MOB4: variants seen among roughly 807,000 people sequenced by gnomAD.
MOB4 encodes MOB-like protein phocein.
A neutral mutation model predicts 32.2 loss-of-function variants in MOB4; 4 were observed. The observed-to-expected ratio is 0.12, with a 90% CI of 0.06 to 0.28. MOB4 has a LOEUF of 0.28. MOB4 is among the 10% of genes least tolerant of loss of function. The probability of loss-of-function intolerance (pLI) is 1.00; values close to 1 mark genes in which losing one functional copy is unlikely to be tolerated. For missense variants in MOB4, 158 were observed against 271.2 expected, an observed-to-expected ratio of 0.58 and a Z score of 2.93; for synonymous variants, 88 against 88.1, an observed-to-expected ratio of 1.00 and a Z score of 0.01.
chr2:197,535,164 A>G (rs2086775973), intron 2 of MOB4, among the ~76,000 whole-genome samples: 3 of 151,134 alleles, frequency 2.0e-5, no homozygotes, highest in Admixed American at 6.6e-5. Context: ...TGGATATTGC[A>G]GTGATCTGAG....
At chr2:197,543,310 A>G (rs1013107110) in intron 5 of MOB4, among the ~76,000 whole-genome samples, 3 of 152,128 alleles carry the variant, frequency 2.0e-5, no homozygotes, top group African/African-American at 7.2e-5. Flanking sequence ...AGATTCAGAA[A>G]TGGCCAGTAA....
rs1174081910 is a variant in MOB4, at chr2:197,548,480, G to A, written c.434+65G>A. 6 of 467,076 alleles carry A rather than the reference G, an allele frequency of 1.3e-5. No homozygotes were observed. In the African/African-American group the frequency reaches 1.3e-4, roughly 10 times the overall value. The allele number at this position is 467,076 out of a possible 1,614,324, so 28.9% of individuals were successfully genotyped here. A position where few individuals can be genotyped will look rare whatever the true frequency, so the allele number is the denominator to read the frequency against. ...GTTAATTTATAAGATTGGTATTTTA[G>A]GGGGGAGGGGGGAGGGATAGTATTA... On this transcript the variant is annotated intron_variant, in intron 6 of 7. Transcript: ENST00000323303.
At chr2:197,518,571 T>TG (rs1439301018) in intron 1 of MOB4, among the ~76,000 whole-genome samples, 19 of 150,840 alleles carry the variant, frequency 1.3e-4, no homozygotes, top group African/African-American at 4.4e-4. Flanking sequence ...GGTTTTTTTT[T>TG]TTTGTGTGTG....
At chr2:197,518,987 T>G (rs544978313) in intron 1 of MOB4, among the ~76,000 whole-genome samples, 1 of 152,208 alleles carries the variant, frequency 6.6e-6, no homozygotes, top group South Asian at 2.1e-4. Context: ...CTGGATCTCC[T>G]GATCTCGTGA....
intron 5 of MOB4, among the ~76,000 whole-genome samples, chr2:197,541,671 G>A (rs2086897093): frequency 1.3e-5 from 2 of 152,196 alleles, no homozygotes; most frequent in Non-Finnish European, 2.9e-5. Context: ...TGTAATCCCA[G>A]CACTTTGGGA....
chr2:197,519,336 C>CTA, intron 1 of MOB4, among the ~76,000 whole-genome samples: 1 of 152,156 alleles, frequency 6.6e-6, no homozygotes, highest in Admixed American at 6.5e-5. Flanking sequence ...AACATCTTTT[C>CTA]TATATATAGT....
At chr2:197,523,464 A>G (rs2086557450) in intron 1 of MOB4, among the ~76,000 whole-genome samples, 160 bp from the exon 2 acceptor site, 2 of 152,226 alleles carry the variant, frequency 1.3e-5, no homozygotes. Flanking sequence ...CTGTCTGTAA[A>G]AAAGAAAAGT....
chr2:197,523,520 AG>A (rs2086558188), intron 1 of MOB4, 103 bp from the exon 2 acceptor site: 1 of 1,163,324 alleles, frequency 8.6e-7, no homozygotes, highest in South Asian at 1.5e-5. Flanking sequence ...ACATTGCAAA[AG>A]TTTTTTCTTC....
chr2:197,546,727 T>G (rs1018052663), intron 5 of MOB4, among the ~76,000 whole-genome samples: 76 of 152,160 alleles, frequency 5.0e-4, no homozygotes, highest in African/African-American at 1.7e-3. Flanking sequence ...AATATATGGC[T>G]TGCATTATAC....
intron 3 of MOB4, among the ~76,000 whole-genome samples, chr2:197,536,165 T>C (rs958385997): frequency 2.0e-5 from 3 of 152,162 alleles, no homozygotes; most frequent in African/African-American, 7.2e-5. Flanking sequence ...TCCCAAAGTA[T>C]TGAGCCACCC....
rs914783993 is a variant in MOB4, at chr2:197,552,943, T to G, written c.*2297T>G. On this transcript the variant is annotated 3_prime_UTR_variant, in exon 8 of 8. Transcript: ENST00000323303. ...TTAGGCTTTTCTTTCCAAAAGATCG[T>G]ATAGTCAATTCATTCTTTTTCTCCT... 2.0e-5 allele frequency: 3 copies of G among 152,212 alleles called. No individual in the cohort carries two copies. Among genetic ancestry groups the G allele is most frequent in the Non-Finnish European group, 4.4e-5 (3 of 68,040 alleles). The allele number at this position is 152,212 out of a possible 1,614,324, so 9.4% of individuals were successfully genotyped here.
chr2:197,546,611 G>T (rs1003731639), intron 5 of MOB4, among the ~76,000 whole-genome samples: 1 of 151,660 alleles, frequency 6.6e-6, no homozygotes, highest in Admixed American at 6.6e-5. Context: ...TGTTGCCTAG[G>T]CTGGTCTTGA....
chr2:197,523,186 T>G lies in MOB4; in HGVS notation c.61-438T>G, dbSNP rs149035305. Among the ~76,000 whole-genome samples, 135 of 152,200 alleles carry G rather than the reference T, an allele frequency of 8.9e-4. 1 individual carries two copies. In the Middle Eastern group the frequency reaches 0.01, roughly 12 times the overall value. Reference sequence around the variant, plus strand: ...AAAAGTGATAGACTTGTCTCCCCAATTAAGTAATACATTAAAGGTTTATGG... The same window carrying G: ...AAAAGTGATAGACTTGTCTCCCCAAGTAAGTAATACATTAAAGGTTTATGG... On this transcript the variant is annotated intron_variant, in intron 1 of 7. Coordinates refer to ENST00000323303, the MANE Select transcript of MOB4 (RefSeq NM_015387.5).
chr2:197,543,030 G>T (rs926004998), intron 5 of MOB4, among the ~76,000 whole-genome samples: 1 of 152,120 alleles, frequency 6.6e-6, no homozygotes, highest in Non-Finnish European at 1.5e-5. Context: ...AGACAGTAAC[G>T]CCTGTAATCC....
At chr2:197,535,235 A>G (rs2086777771) in intron 2 of MOB4, among the ~76,000 whole-genome samples, 1 of 140,562 alleles carries the variant, frequency 7.1e-6, no homozygotes, top group Admixed American at 7.4e-5. Context: ...AAAAAAAAAA[A>G]AAAAAAAGAA....
Position 197,550,397 on chromosome 2 carries a change from T to G in MOB4, c.546+11T>G. On this transcript the variant is annotated intron_variant, in intron 7 of 7. Transcript: ENST00000323303. Reference sequence around the variant, plus strand: ...TTTGATGAATATGAAGTAAGTATATTTCACTGATTATCTTGATGCATTCTT... The same window carrying G: ...TTTGATGAATATGAAGTAAGTATATGTCACTGATTATCTTGATGCATTCTT... 1 of 1,611,814 alleles carries G rather than the reference T, an allele frequency of 6.2e-7. No individual in the cohort carries two copies. Among genetic ancestry groups the G allele is most frequent in the Non-Finnish European group, 8.5e-7 (1 of 1,178,858 alleles).
chr2:197,516,113 G>C lies in MOB4; in HGVS notation c.27G>C (p.Val9=), dbSNP rs779739036. ...TGGTCATGGCGGAGGGGACGGCAGT[G>C]CTGAGGCGGAACAGGCCGGGCACCA... MVMAEGTA[V]LRRNRPGTKA... The change falls in exon 1 of 8, where the codon GTG becomes GTC. Residue 9 remains valine, a synonymous_variant. Transcript: ENST00000323303. The C allele has an allele frequency of 6.2e-7, 1 of 1,604,000 alleles. No homozygotes were observed. Among genetic ancestry groups the C allele is most frequent in the Admixed American group, 1.7e-5 (1 of 58,446 alleles).
chr2:197,523,828 G>T (rs548880938), intron 2 of MOB4, 142 bp downstream of exon 2: 5 of 692,132 alleles, frequency 7.2e-6, no homozygotes, highest in Non-Finnish European at 1.1e-5. Context: ...AAACAAAATA[G>T]TTCCTTTTAC....
At chr2:197,528,658 C>T (rs1377875415) in intron 2 of MOB4, among the ~76,000 whole-genome samples, 4 of 149,308 alleles carry the variant, frequency 2.7e-5, no homozygotes, top group African/African-American at 4.9e-5. Context: ...CACTGTCTCC[C>T]AGGCTGGAGT....
Sources: gnomAD v4.1 joint callset for allele counts (sites outside exome capture counted in the v4.1 genomes callset) on GRCh38, gnomAD v4.1.1 for gene constraint, MANE v1.5 for transcripts, NCBI Gene and HGNC (gene_info 2026-07-23, HGNC 2026-07-21) for gene names.